Variants in NKAIN3 observed in about 807,000 individuals in gnomAD.
NKAIN3 encodes sodium/potassium transporting ATPase interacting 3, also known as sodium/potassium-transporting ATPase subunit beta-1-interacting protein 3.
In NKAIN3, 25 loss-of-function variants were observed where a neutral mutation model predicts 30.2. The observed-to-expected ratio is 0.83, with a 90% CI of 0.60 to 1.16. The LOEUF (loss-of-function observed/expected upper bound fraction) is 1.16, where lower values mean the gene tolerates loss of function less well. Among genes scored for constraint, NKAIN3 ranks in the 50% most tolerant of loss-of-function variants. The pLI is 0.00. For missense variants in NKAIN3, 225 were observed against 254.1 expected (o/e 0.89, Z 0.78); for synonymous variants, 91 against 89.6 (o/e 1.02, Z -0.09).
chr8:62,925,502 G>A (rs1294448447), intron 5 of NKAIN3, among the ~76,000 whole-genome samples: 1 of 152,212 alleles, frequency 6.6e-6, no homozygotes, highest in Admixed American at 6.5e-5. Context: ...GAGAGAAGGT[G>A]TAGCTTGTTT....
intron 4 of NKAIN3, chr8:62,863,773 A>G (rs886938367): frequency 4.3e-6 from 7 of 1,611,090 alleles, no homozygotes; most frequent in Non-Finnish European, 5.9e-6. Flanking sequence ...ACAGCCAGAC[A>G]GTAGAGAAGT....
At chr8:62,821,230 A>C (rs897112120) in intron 4 of NKAIN3, among the ~76,000 whole-genome samples, 1 of 152,128 alleles carries the variant, frequency 6.6e-6, no homozygotes, top group Non-Finnish European at 1.5e-5. Flanking sequence ...AAACGTGAGA[A>C]TCTGTGGCAA....
chr8:62,288,863 GT>G (rs1312830471), intron 1 of NKAIN3, among the ~76,000 whole-genome samples: 3 of 152,172 alleles, frequency 2.0e-5, no homozygotes, highest in African/African-American at 7.2e-5. Context: ...CACCAACAGT[GT>G]AAAAGCTTTC....
rs374489249 is a variant in NKAIN3, at chr8:62,471,250, C to T, written c.55-108289C>T. On this transcript the variant is annotated intron_variant, in intron 1 of 6. Coordinates refer to ENST00000623646, the MANE Select transcript of NKAIN3 (RefSeq NM_001304533.3). Reference sequence around the variant, plus strand: ...AGAGAGTGGATAGTCCTGGGGAGGGCGGGTTAAAGGATGAGAGTAGCACTT... The same window carrying T: ...AGAGAGTGGATAGTCCTGGGGAGGGTGGGTTAAAGGATGAGAGTAGCACTT... 2.5e-4 allele frequency among the ~76,000 whole-genome samples: 38 copies of T among 151,422 alleles called. 1 individual carries two copies. The South Asian group carries it at 6.3e-3, about 25-fold the overall frequency.
At chr8:62,547,806 G>A (rs1483781813) in intron 1 of NKAIN3, among the ~76,000 whole-genome samples, 1 of 152,206 alleles carries the variant, frequency 6.6e-6, no homozygotes, top group Non-Finnish European at 1.5e-5. Context: ...ACACAATGTG[G>A]CATGCTATGG....
chr8:62,500,488 GAAAA>G (rs1297958824), intron 1 of NKAIN3, among the ~76,000 whole-genome samples: 13 of 104,340 alleles, frequency 1.2e-4, no homozygotes, highest in East Asian at 3.7e-4. Context: ...AAAGAAAGAA[GAAAA>G]GAAAGAAAGA....
chr8:62,540,307 C>G (rs1213874961), intron 1 of NKAIN3, among the ~76,000 whole-genome samples: 3 of 152,116 alleles, frequency 2.0e-5, no homozygotes, highest in African/African-American at 7.2e-5. Context: ...ACATTTTTCG[C>G]TATCCCCTAC....
At chr8:62,416,186 C>T (rs1388693594) in intron 1 of NKAIN3, among the ~76,000 whole-genome samples, 1 of 152,198 alleles carries the variant, frequency 6.6e-6, no homozygotes, top group African/African-American at 2.4e-5. Context: ...CTGCTCCACT[C>T]TTTGCCTTCC....
At chr8:62,262,837 C>G (rs1341820260) in intron 1 of NKAIN3, among the ~76,000 whole-genome samples, 4 of 152,128 alleles carry the variant, frequency 2.6e-5, no homozygotes, top group Admixed American at 1.3e-4. Context: ...GTTTGTTTGG[C>G]TCAACCAAAA....
intron 3 of NKAIN3, among the ~76,000 whole-genome samples, chr8:62,665,965 C>A (rs969676304): frequency 6.6e-6 from 1 of 152,254 alleles, no homozygotes; most frequent in Admixed American, 6.5e-5. Context: ...CCTGTAATCC[C>A]ACCAGTTTGG....
chr8:62,856,722 C>G (rs1232732918), intron 4 of NKAIN3: 1 of 711,188 alleles, frequency 1.4e-6, no homozygotes, highest in African/African-American at 1.8e-5. Flanking sequence ...TTCCTGCTGC[C>G]CCTTAAACTG....
chr8:62,799,561 A>T (rs987432991), intron 4 of NKAIN3, among the ~76,000 whole-genome samples: 1 of 152,208 alleles, frequency 6.6e-6, no homozygotes, highest in African/African-American at 2.4e-5. Flanking sequence ...GTTGATGTGG[A>T]TACAGTGAAA....
At chr8:62,456,310 A>G (rs1805815397) in intron 1 of NKAIN3, among the ~76,000 whole-genome samples, 2 of 152,104 alleles carry the variant, frequency 1.3e-5, no homozygotes, top group African/African-American at 4.8e-5. Context: ...TCACGAGGTC[A>G]GGAGATCGAG....
intron 3 of NKAIN3, among the ~76,000 whole-genome samples, chr8:62,590,844 G>A (rs1313983876): frequency 1.3e-5 from 2 of 151,752 alleles, no homozygotes; most frequent in African/African-American, 4.8e-5. Flanking sequence ...ATTAGAACTT[G>A]TCACCATTTG....
chr8:62,667,694 T>C (rs1299767784), intron 3 of NKAIN3, among the ~76,000 whole-genome samples: 1 of 152,060 alleles, frequency 6.6e-6, no homozygotes, highest in East Asian at 1.9e-4. Context: ...TCCACAGTGA[T>C]CTTTCTAAAA....
At chr8:62,594,225 G>A (rs980003970) in intron 3 of NKAIN3, among the ~76,000 whole-genome samples, 10 of 152,058 alleles carry the variant, frequency 6.6e-5, no homozygotes, top group African/African-American at 2.4e-4. Context: ...AACTCCTACA[G>A]AAAATAGAGG....
In NKAIN3 at chr8:62,667,363, A is replaced by ATAAATATATATATG. The variant is rs1563508070; in HGVS notation, c.273+77571_273+77572insAATATATATATGTA. Among the ~76,000 whole-genome samples the ATAAATATATATATG allele has an allele frequency of 5.2e-3, 276 of 53,284 alleles. 2 individuals carry two copies. The highest frequency in any genetic ancestry group is 0.029 in the African/African-American group (269 of 9,250). 35.0% of individuals were successfully genotyped at this position (53,284 alleles called of 152,430 possible). On this transcript the variant is annotated intron_variant, in intron 3 of 6. Coordinates refer to ENST00000623646, the MANE Select transcript of NKAIN3 (RefSeq NM_001304533.3). ...ATATATTCTTTATATATATATCTGTATATATATATATAAATATATATATAT... is the reference window on the plus strand; with the variant it reads ...ATATATTCTTTATATATATATCTGTATAAATATATATATGTATATATATATAAATATATATATAT...
At chr8:62,586,748 T>C (rs1375297899) in intron 2 of NKAIN3, among the ~76,000 whole-genome samples, 1 of 152,056 alleles carries the variant, frequency 6.6e-6, no homozygotes, top group Non-Finnish European at 1.5e-5. Flanking sequence ...TGCTGAAATA[T>C]CCTTGTAAAA....
At chr8:62,733,252 A>T (rs1815538465) in intron 3 of NKAIN3, among the ~76,000 whole-genome samples, 1 of 152,240 alleles carries the variant, frequency 6.6e-6, no homozygotes, top group South Asian at 2.1e-4. Context: ...TTTGCCTCAT[A>T]AGTTAGGCAT....
Sources: gnomAD v4.1 joint callset for allele counts (sites outside exome capture counted in the v4.1 genomes callset) on GRCh38, gnomAD v4.1.1 for gene constraint, MANE v1.5 for transcripts, NCBI Gene and HGNC (gene_info 2026-07-23, HGNC 2026-07-21) for gene names.